The following PHEX variants were observed in gnomAD, a reference collection of about 807,000 sequenced individuals.
PHEX encodes the protein phosphate regulating endopeptidase X-linked.
A neutral mutation model predicts 68.0 loss-of-function variants in PHEX; 16 were observed. The observed-to-expected ratio is 0.24, with a 90% CI of 0.16 to 0.36. The LOEUF (loss-of-function observed/expected upper bound fraction) is 0.36, where lower values mean the gene tolerates loss of function less well. PHEX is among the 10% of genes least tolerant of loss of function. PHEX has a pLI of 1.00. For synonymous variants in PHEX, 208 were observed against 205.1 expected (o/e 1.01, Z -0.12); for missense variants, 480 against 575.5 (o/e 0.83, Z 1.70).
intron 17 of PHEX, among the ~76,000 whole-genome samples, chrX:22,221,266 T>C (rs1935259322): frequency 8.9e-6 from 1 of 112,271 alleles, no homozygotes; most frequent in Non-Finnish European, 1.9e-5. Context: ...ATGGGCTTTC[T>C]GAATGAAGCC....
intron 9 of PHEX, among the ~76,000 whole-genome samples, chrX:22,108,076 A>T (rs971554925): frequency 1.8e-5 from 2 of 111,408 alleles, no homozygotes; most frequent in African/African-American, 6.5e-5. Flanking sequence ...ATACTTGGCC[A>T]ACAATAAGTG....
intron 13 of PHEX, among the ~76,000 whole-genome samples, chrX:22,176,947 A>G (rs1427211256): frequency 1.8e-5 from 2 of 111,204 alleles, no homozygotes; most frequent in African/African-American, 6.5e-5. Flanking sequence ...ATTTAAAGTC[A>G]TAGTGTTATA....
chrX:22,221,766 G>C (rs1346072420), intron 18 of PHEX, 23 bp downstream of exon 18: 3 of 1,187,957 alleles, frequency 2.5e-6, no homozygotes, highest in Non-Finnish European at 1.1e-6. Flanking sequence ...GTGGCTAAGG[G>C]GGGCACCTTG....
chrX:22,033,145 GGGGGAA>G, intron 1 of PHEX, 22 bp downstream of exon 1: 1 of 1,044,126 alleles, frequency 9.6e-7, no homozygotes, highest in Non-Finnish European at 1.3e-6. Context: ...GCAGGAGGCC[GGGGGAA>G]CTGGGTGTGT....
At chrX:22,061,264 G>T (rs1928351631) in intron 3 of PHEX, among the ~76,000 whole-genome samples, 1 of 111,678 alleles carries the variant, frequency 9.0e-6, no homozygotes, top group Admixed American at 9.6e-5. Flanking sequence ...TTGAAAAGTT[G>T]GTTGCATGCT....
intron 17 of PHEX, 111 bp downstream of exon 17, chrX:22,219,214 A>G: frequency 1.8e-6 from 1 of 562,780 alleles, no homozygotes; most frequent in Admixed American, 2.6e-5. Flanking sequence ...CTTGAAGATT[A>G]TCCAAAGCAA....
intron 15 of PHEX, among the ~76,000 whole-genome samples, chrX:22,200,030 C>G (rs1934498351): frequency 8.9e-6 from 1 of 111,910 alleles, no homozygotes; most frequent in Non-Finnish European, 1.9e-5. Flanking sequence ...GAGATTATAA[C>G]TGTTCTGTGC....
chrX:22,139,233 C>A (rs947246715), intron 12 of PHEX, among the ~76,000 whole-genome samples: 4 of 111,518 alleles, frequency 3.6e-5, no homozygotes, highest in African/African-American at 1.3e-4. Context: ...ATGAGAAAGG[C>A]TCCCCAAGTT....
intron 3 of PHEX, among the ~76,000 whole-genome samples, chrX:22,060,775 C>T (rs181910734): frequency 4.0e-4 from 45 of 111,792 alleles, no homozygotes; most frequent in South Asian, 3.8e-4. Flanking sequence ...TGACTAATAA[C>T]ACAGGATATG....
In PHEX at chrX:22,245,390, C is replaced by T. The variant is rs1936362152; in HGVS notation, c.2128C>T (p.His710Tyr). 1 of 1,203,217 alleles carries T rather than the reference C, an allele frequency of 8.3e-7. No individual in the cohort carries two copies. Among genetic ancestry groups the T allele is most frequent in the South Asian group, 1.8e-5 (1 of 56,723 alleles). ...AAREQVQIGA[H>Y]SPPQFRVNGA... ...CCGAGAACAAGTCCAAATTGGTGCT[C>T]ACAGTCCCCCTCAGTTTAGGTAAAT... Residue 710 changes from histidine (H) to tyrosine (Y), a missense_variant, in exon 21 of 22, where the codon CAC becomes TAC. By Grantham distance (83) the His-to-Tyr change is moderately conservative. Coordinates refer to ENST00000379374, the MANE Select transcript of PHEX (RefSeq NM_000444.6).
intron 11 of PHEX, among the ~76,000 whole-genome samples, chrX:22,121,222 G>A (rs1391875244): frequency 8.9e-6 from 1 of 112,108 alleles, no homozygotes; most frequent in Admixed American, 9.5e-5. Flanking sequence ...GAAAGATTAG[G>A]CCCAACTCTA....
intron 14 of PHEX, among the ~76,000 whole-genome samples, chrX:22,184,893 G>A (rs1321453061): frequency 8.9e-6 from 1 of 112,217 alleles, no homozygotes; most frequent in African/African-American, 3.2e-5. Flanking sequence ...CTATAGCATG[G>A]AATGTGAGTG....
At chrX:22,236,911 C>T (rs1192271136) in intron 20 of PHEX, among the ~76,000 whole-genome samples, 2 of 112,105 alleles carry the variant, frequency 1.8e-5, no homozygotes, top group Non-Finnish European at 3.8e-5. Context: ...AGATATAATA[C>T]CAAACTAAAC....
intron 20 of PHEX, among the ~76,000 whole-genome samples, chrX:22,229,806 G>GTCTT (rs1191319777): frequency 4.5e-5 from 5 of 112,116 alleles, no homozygotes; most frequent in Admixed American, 2.8e-4. Context: ...TGGACATGAA[G>GTCTT]TCTTTGCCCA....
chrX:22,216,213 T>C (rs755315377), intron 16 of PHEX, among the ~76,000 whole-genome samples: 1 of 111,910 alleles, frequency 8.9e-6, no homozygotes, highest in Non-Finnish European at 1.9e-5. Flanking sequence ...GAAATTTTTA[T>C]GAATTTATGA....
chrX:22,093,959 C>T, intron 6 of PHEX, 24 bp from the exon 7 acceptor site: 2 of 958,924 alleles, frequency 2.1e-6, no homozygotes, highest in Non-Finnish European at 3.0e-6. Flanking sequence ...TTGTCATGGT[C>T]ACTTTGTTCT....
At chrX:22,221,149 C>T (rs1935255965) in intron 17 of PHEX, among the ~76,000 whole-genome samples, 1 of 111,607 alleles carries the variant, frequency 9.0e-6, no homozygotes, top group Non-Finnish European at 1.9e-5. Flanking sequence ...AAACAGGTTC[C>T]TATAGGGCTG....
intron 12 of PHEX, among the ~76,000 whole-genome samples, chrX:22,144,459 C>T (rs891001447): frequency 9.0e-6 from 1 of 111,235 alleles, no homozygotes; most frequent in Admixed American, 9.6e-5. Flanking sequence ...CACCCAGACT[C>T]AACAGTTAGT....
intron 3 of PHEX, among the ~76,000 whole-genome samples, chrX:22,068,105 C>T (rs750977108): frequency 1.7e-4 from 19 of 111,106 alleles, no homozygotes; most frequent in Non-Finnish European, 2.6e-4. Flanking sequence ...CCCACAGTGC[C>T]GAGATTACAG....
Sources: allele counts gnomAD v4.1 joint callset (sites outside exome capture counted in the v4.1 genomes callset), GRCh38; gene constraint gnomAD v4.1.1; transcripts MANE v1.5; gene names NCBI Gene and HGNC (gene_info 2026-07-23, HGNC 2026-07-21).